Variants in TEF observed in about 807,000 individuals in gnomAD.
TEF encodes TEF transcription factor, PAR bZIP family member, also known as thyrotroph embryonic factor.
A neutral mutation model predicts 20.8 loss-of-function variants in TEF; 3 were observed. That is an observed-to-expected ratio of 0.14 (90% CI 0.07 to 0.37). The LOEUF is 0.37. Among genes scored for constraint, TEF ranks in the 10% least tolerant of loss-of-function variants. The probability of loss-of-function intolerance (pLI) is 1.00; values close to 1 mark genes in which losing one functional copy is unlikely to be tolerated. For missense variants in TEF, 296 were observed against 397.9 expected, an observed-to-expected ratio of 0.74 and a Z score of 2.18; for synonymous variants, 180 against 171.1, an observed-to-expected ratio of 1.05 and a Z score of -0.41.
At chr22:41,368,656 G>A (rs890099008) in intron 1 of TEF, among the ~76,000 whole-genome samples, 6 of 152,196 alleles carry the variant, frequency 3.9e-5, no homozygotes, top group Non-Finnish European at 5.9e-5. Context: ...GACATTGCCC[G>A]AACGGGGAAG....
chr22:41,385,953 G>C (rs1468483525), intron 1 of TEF, among the ~76,000 whole-genome samples: 1 of 151,928 alleles, frequency 6.6e-6, no homozygotes, highest in Non-Finnish European at 1.5e-5. Flanking sequence ...CCAAAGTGCT[G>C]GGATTACAGG....
At chr22:41,394,411 C>A in intron 3 of TEF, 95 bp downstream of exon 3, 1 of 1,204,002 alleles carries the variant, frequency 8.3e-7, no homozygotes, top group Non-Finnish European at 1.2e-6. Context: ...GAGAGCCTTC[C>A]CTCCTTGTGA....
chr22:41,378,045 T>C (rs1904899930), upstream of TEF, among the ~76,000 whole-genome samples: 2 of 152,198 alleles, frequency 1.3e-5, no homozygotes, highest in African/African-American at 4.8e-5. Flanking sequence ...ACTTTGAGAA[T>C]GGGTTTTTCT....
rs750273843 is a variant in TEF at position 41,395,756 on chromosome 22, C to T, written c.708C>T (p.Tyr236=). The T allele has an allele frequency of 1.2e-6, 2 of 1,613,938 alleles. No individual in the cohort carries two copies. The highest frequency in any genetic ancestry group is 1.7e-6 in the Non-Finnish European group (2 of 1,179,930). ...FVPDEQKDEK[Y]WTRRKKNNVA... ...GCACTTCCCCACAGGATGAAAAGTA[C>T]TGGACAAGACGCAAGAAGAACAACG... The change falls in exon 4 of 4, where the codon TAC becomes TAT. Residue 236 remains tyrosine, a synonymous_variant. Coordinates refer to ENST00000266304, the MANE Select transcript of TEF (RefSeq NM_003216.4).
At chr22:41,386,412 G>A (rs1479213759) in intron 1 of TEF, among the ~76,000 whole-genome samples, 1 of 151,832 alleles carries the variant, frequency 6.6e-6, no homozygotes, top group Admixed American at 6.6e-5. Flanking sequence ...TTGCACTCCA[G>A]CCTGGGCAAC....
At position 41,373,879 on chromosome 22, in the gene TEF, T is replaced by G. The variant is rs1169466634; in HGVS notation, c.67+6280T>G. Among the ~76,000 whole-genome samples, 4 of 151,300 alleles carry G rather than the reference T, an allele frequency of 2.6e-5. No individual in the cohort carries two copies. The Admixed American group carries it at 2.7e-4, about 10-fold the overall frequency. ...CCAGGGTTCAAGCGATTCTCCCGTC[T>G]CAGTCTCCCGAGTAGCTGAGACTAC... On this transcript the variant is annotated intron_variant, in intron 1 of 3. Coordinates refer to the TEF transcript ENST00000406644.
In TEF at chr22:41,381,972, G is replaced by C. The variant is rs1184475377; in HGVS notation, c.-73G>C. 6 of 1,228,278 alleles carry C rather than the reference G, an allele frequency of 4.9e-6. No individual in the cohort carries two copies. Among genetic ancestry groups the C allele is most frequent in the Non-Finnish European group, 6.1e-6 (6 of 985,828 alleles). The allele number at this position is 1,228,278 out of a possible 1,614,324, so 76.1% of individuals were successfully genotyped here. Reference sequence around the variant, plus strand: ...AGCTGCCCGTGTCGGCAGCTGCAGCGGGTCGCACGGCTCCGGCCCATCTCG... The same window carrying C: ...AGCTGCCCGTGTCGGCAGCTGCAGCCGGTCGCACGGCTCCGGCCCATCTCG... On this transcript the variant is annotated 5_prime_UTR_variant, in exon 1 of 4. Coordinates refer to ENST00000266304, the MANE Select transcript of TEF (RefSeq NM_003216.4).
chr22:41,368,642 G>C (rs1485757883), intron 1 of TEF, among the ~76,000 whole-genome samples: 2 of 152,226 alleles, frequency 1.3e-5, no homozygotes, highest in Non-Finnish European at 2.9e-5. Flanking sequence ...TCTAGCCCCA[G>C]GGAGACATTG....
chr22:41,375,643 G>A (rs1569251910), intron 1 of TEF, among the ~76,000 whole-genome samples: 1 of 150,204 alleles, frequency 6.7e-6, no homozygotes, highest in African/African-American at 2.5e-5. Context: ...AGAATGGTGT[G>A]AACCCAGGAG....
At position 41,387,391 on chromosome 22, in the gene TEF, C is replaced by T. The variant is rs149773823; in HGVS notation, c.198C>T (p.Ala66=). The part of the protein sequence containing the change: ...KGKEKLEEDE[A]AAASTMAVSA... ...AGGAAAAGCTGGAGGAGGACGAGGC[C>T]GCAGCCGCCAGCACCATGGCTGTCT... Residue 66 remains alanine, a synonymous_variant, in exon 2 of 4, where the codon GCC becomes GCT. Coordinates refer to ENST00000266304, the MANE Select transcript of TEF (RefSeq NM_003216.4). 1.1e-4 allele frequency: 185 copies of T among 1,614,078 alleles called. No homozygotes were observed. The African/African-American group carries it at 1.6e-3, about 14-fold the overall frequency.
chr22:41,388,863 G>A (rs9611571), intron 2 of TEF, among the ~76,000 whole-genome samples: 34,797 of 151,502 alleles, frequency 0.23, 4,619 homozygotes, highest in Admixed American at 0.4. Flanking sequence ...TCTTTTTATT[G>A]TGGAAATTTT....
rs2036836313 is a variant in TEF at position 41,367,583 on chromosome 22, G to A, written c.51G>A (p.Trp17Ter). Residue 17 changes from tryptophan to a stop codon, truncating the protein, a stop_gained, in exon 1 of 4, where the codon TGG (tryptophan) becomes TGA (stop). Coordinates refer to the TEF transcript ENST00000406644. LOFTEE classifies it high-confidence loss of function. ...CCCTGCTGGAGCACTCTCTGCCTTG[G>A]CCAGAGAAGAGAACAGGTAGGAGCA... is the stretch of plus-strand genomic sequence containing the variant. 1 of 1,551,250 alleles carries A rather than the reference G, an allele frequency of 6.4e-7. No individual in the cohort carries two copies. The highest frequency in any genetic ancestry group is 2.0e-5 in the Admixed American group (1 of 50,976).
intron 1 of TEF, among the ~76,000 whole-genome samples, chr22:41,386,527 G>A (rs1445071311): frequency 2.6e-5 from 4 of 151,972 alleles, no homozygotes; most frequent in Admixed American, 2.6e-4. Flanking sequence ...GATCACCTGA[G>A]GTCAGGAGTT....
chr22:41,381,028 G>A (rs1225802279), upstream of TEF, among the ~76,000 whole-genome samples: 2 of 152,224 alleles, frequency 1.3e-5, no homozygotes, highest in Non-Finnish European at 2.9e-5. Flanking sequence ...TAAGTGGGAG[G>A]GCGGAAACAT....
intron 2 of TEF, among the ~76,000 whole-genome samples, chr22:41,388,884 A>C (rs2037131352): frequency 6.6e-6 from 1 of 152,164 alleles, no homozygotes; most frequent in African/African-American, 2.4e-5. Flanking sequence ...TTCAAACAAA[A>C]TACAAAAGTA....
chr22:41,373,403 G>C (rs1195726022), intron 1 of TEF, among the ~76,000 whole-genome samples: 1 of 152,116 alleles, frequency 6.6e-6, no homozygotes, highest in Non-Finnish European at 1.5e-5. Flanking sequence ...ATTGTTGATG[G>C]GAAGCCTTAC....
At chr22:41,387,984 T>C (rs967696688) in intron 2 of TEF, among the ~76,000 whole-genome samples, 5 of 29,698 alleles carry the variant, frequency 1.7e-4, no homozygotes, top group African/African-American at 6.3e-4. Flanking sequence ...AATGCTGCTC[T>C]TTTTTTTTTT....
At chr22:41,376,781 G>A (rs2036947689) in intron 1 of TEF, among the ~76,000 whole-genome samples, 1 of 152,214 alleles carries the variant, frequency 6.6e-6, no homozygotes. Flanking sequence ...TGCCAGGCGG[G>A]CACTTGGCAT....
chr22:41,369,101 T>C lies in TEF; in HGVS notation c.67+1502T>C, dbSNP rs543746958. On this transcript the variant is annotated intron_variant, in intron 1 of 3. Coordinates refer to the TEF transcript ENST00000406644. Reference sequence around the variant, plus strand: ...CCCAGGATGCCCCCCAGCACACACATGAAGGGCGAGGCTGCCAGTGGGGCA... The same window carrying C: ...CCCAGGATGCCCCCCAGCACACACACGAAGGGCGAGGCTGCCAGTGGGGCA... 5.1e-6 allele frequency: 5 copies of C among 985,182 alleles called. No homozygotes were observed. In the South Asian group the frequency reaches 2.4e-4, roughly 46 times the overall value. 61.0% of individuals were successfully genotyped at this position (985,182 alleles called of 1,614,324 possible). A position where few individuals can be genotyped will look rare whatever the true frequency, so the allele number is the denominator to read the frequency against.
Sources: gnomAD v4.1 joint callset for allele counts (sites outside exome capture counted in the v4.1 genomes callset) on GRCh38, gnomAD v4.1.1 for gene constraint, MANE v1.5 for transcripts, NCBI Gene and HGNC (gene_info 2026-07-23, HGNC 2026-07-21) for gene names.